RALGPS1: variants seen among roughly 807,000 people sequenced by gnomAD.
RALGPS1 encodes the protein Ral GEF with PH domain and SH3 binding motif 1.
In RALGPS1, 19 loss-of-function variants were observed where a neutral mutation model predicts 78.8. The ratio of observed to expected loss-of-function variants is 0.24; its 90% CI spans 0.17 to 0.35. The LOEUF (loss-of-function observed/expected upper bound fraction) is 0.35. RALGPS1 is among the 10% of genes least tolerant of loss of function. The pLI is 1.00. For missense variants in RALGPS1, 454 were observed against 688.3 expected (o/e 0.66, Z 3.81); for synonymous variants, 228 against 256.3 (o/e 0.89, Z 1.06).
chr9:126,923,592 T>C (rs2034977183), intron 1 of RALGPS1, among the ~76,000 whole-genome samples: 1 of 152,246 alleles, frequency 6.6e-6, no homozygotes, highest in Non-Finnish European at 1.5e-5. Flanking sequence ...TACTGAACTT[T>C]CCTGTAAATG....
chr9:126,979,186 GCTTTGTTCAGC>G (rs2040974440), intron 4 of RALGPS1, among the ~76,000 whole-genome samples: 3 of 151,880 alleles, frequency 2.0e-5, no homozygotes, highest in African/African-American at 7.3e-5. Flanking sequence ...AGTACCACTA[GCTTTGTTCAGC>G]ATTTATGTGA....
intron 18 of RALGPS1, among the ~76,000 whole-genome samples, chr9:127,215,379 T>C (rs1362245549): frequency 1.3e-5 from 2 of 152,236 alleles, no homozygotes; most frequent in African/African-American, 2.4e-5. Context: ...GCTCATGGTA[T>C]GGCCCCCTCC....
chr9:127,142,683 A>G (rs1392211584), intron 8 of RALGPS1, among the ~76,000 whole-genome samples: 3 of 152,232 alleles, frequency 2.0e-5, no homozygotes, highest in Admixed American at 2.0e-4. Flanking sequence ...ATGATCAGCC[A>G]ATTAAATAAC....
chr9:127,198,891 C>T (rs552006869), intron 13 of RALGPS1, 124 bp from the exon 14 acceptor site: 8 of 842,514 alleles, frequency 9.5e-6, no homozygotes, highest in Non-Finnish European at 1.7e-5. Context: ...TTGAGGCTCC[C>T]AATGTCAGGA....
intron 7 of RALGPS1, among the ~76,000 whole-genome samples, chr9:127,053,832 T>C (rs893325348): frequency 6.6e-6 from 1 of 152,350 alleles, no homozygotes. Context: ...GCTGTTTCCA[T>C]AGATCTAGTC....
chr9:127,127,856 G>GA (rs11450591), intron 8 of RALGPS1, among the ~76,000 whole-genome samples: 60,034 of 149,294 alleles, frequency 0.4, 13,285 homozygotes, highest in Non-Finnish European at 0.49. Flanking sequence ...CGATTGTCCT[G>GA]AAAAAAAAAA....
At chr9:126,998,126 T>C (rs1444157878) in intron 4 of RALGPS1, among the ~76,000 whole-genome samples, 3 of 152,222 alleles carry the variant, frequency 2.0e-5, no homozygotes, top group East Asian at 1.9e-4. Flanking sequence ...ACTTCATATC[T>C]AAAACACCAA....
rs2062357991 is a variant in RALGPS1, at chr9:127,212,892, T to C, written c.1447-52T>C. 6.2e-7 allele frequency: 1 copy of C among 1,612,636 alleles called. No homozygotes were observed. Among genetic ancestry groups the C allele is most frequent in the Non-Finnish European group, 8.5e-7 (1 of 1,179,272 alleles). Reference sequence around the variant, plus strand: ...GCCTGGCCCACGTCGGCCTCCCTTGTGGAGTGGAGGGCTGGGCCCCGGTCT... The same window carrying C: ...GCCTGGCCCACGTCGGCCTCCCTTGCGGAGTGGAGGGCTGGGCCCCGGTCT... On this transcript the variant is annotated intron_variant, in intron 16 of 18. Coordinates refer to ENST00000259351, the MANE Select transcript of RALGPS1 (RefSeq NM_014636.3). This position sits in a 1 kb window ranked among gnomAD's most constrained non-coding sequence, Gnocchi z 6.0.
At chr9:127,028,194 C>G (rs1326520740) in intron 4 of RALGPS1, among the ~76,000 whole-genome samples, 1 of 152,226 alleles carries the variant, frequency 6.6e-6, no homozygotes, top group African/African-American at 2.4e-5. Context: ...CTCTCAGAAG[C>G]CTGCCCAGGT....
At chr9:126,952,885 C>A (rs1304248446) in intron 1 of RALGPS1, among the ~76,000 whole-genome samples, 1 of 152,084 alleles carries the variant, frequency 6.6e-6, no homozygotes, top group African/African-American at 2.4e-5. Context: ...CGTGGGAGAG[C>A]TGCACGTCCA....
chr9:127,165,256 A>G (rs1043992935), intron 8 of RALGPS1, among the ~76,000 whole-genome samples: 1 of 152,240 alleles, frequency 6.6e-6, no homozygotes, highest in African/African-American at 2.4e-5. Context: ...TCCTTGGCCC[A>G]TGCACATCTC....
In RALGPS1 at chr9:127,069,342, G is replaced by C; in HGVS notation, c.596G>C (p.Ser199Thr). 1 of 1,613,992 alleles carries C rather than the reference G, an allele frequency of 6.2e-7. No homozygotes were observed. The highest frequency in any genetic ancestry group is 8.5e-7 in the Non-Finnish European group (1 of 1,179,866). ...EYIRSLKMVPSIPYLGIYLLD... is the reference protein window; with the variant it reads ...EYIRSLKMVPTIPYLGIYLLD... ...ATCCGAAGCCTGAAGATGGTTCCAA[G>C]TATTCCCTATCTAGGTAGGAGTTTG... Residue 199 changes from serine (S) to threonine (T), a missense_variant, in exon 8 of 19, where the codon AGT becomes ACT. Ser to Thr is a moderately conservative substitution (Grantham distance 58, BLOSUM62 1). Transcript: ENST00000259351.
intron 14 of RALGPS1, among the ~76,000 whole-genome samples, chr9:127,208,370 A>C (rs1246597864): frequency 6.6e-6 from 1 of 152,234 alleles, no homozygotes; most frequent in Non-Finnish European, 1.5e-5. Flanking sequence ...TCCCAATGAC[A>C]GACCCCACCA....
Position 127,070,840 on chromosome 9 carries a change from GTTTA to G in RALGPS1, c.610+1489_610+1492del, listed in dbSNP as rs1038310472. Among the ~76,000 whole-genome samples, 99 of 151,772 alleles carry G rather than the reference GTTTA, an allele frequency of 6.5e-4. 2 individuals carry two copies. Among genetic ancestry groups the G allele is most frequent in the African/African-American group, 2.3e-3 (97 of 41,480 alleles). ...TTTTAAAATTTCTTTCATGAGCATTGTTTATTTAGATTTTCTTTCTTTTAATTAA... is the reference window on the plus strand; with the variant it reads ...TTTTAAAATTTCTTTCATGAGCATTGTTTAGATTTTCTTTCTTTTAATTAA... On this transcript the variant is annotated intron_variant, in intron 8 of 18. Coordinates refer to ENST00000259351, the MANE Select transcript of RALGPS1 (RefSeq NM_014636.3).
At chr9:126,982,355 C>T (rs1473728586) in intron 4 of RALGPS1, among the ~76,000 whole-genome samples, 1 of 152,154 alleles carries the variant, frequency 6.6e-6, no homozygotes, top group African/African-American at 2.4e-5. Flanking sequence ...AGCTATGTGA[C>T]CTTGGGTAAG....
intron 1 of RALGPS1, among the ~76,000 whole-genome samples, chr9:126,934,294 C>G (rs1436408996): frequency 6.6e-6 from 1 of 152,200 alleles, no homozygotes; most frequent in Non-Finnish European, 1.5e-5. Context: ...GAATTATTTT[C>G]CCTACTTTTA....
chr9:126,923,687 C>T (rs1418156701), intron 1 of RALGPS1, among the ~76,000 whole-genome samples: 1 of 152,152 alleles, frequency 6.6e-6, no homozygotes, highest in East Asian at 1.9e-4. Flanking sequence ...AAGACACAGT[C>T]TTGCTGAGTC....
chr9:127,049,074 A>G (rs2048065408), intron 5 of RALGPS1, among the ~76,000 whole-genome samples: 1 of 152,150 alleles, frequency 6.6e-6, no homozygotes, highest in Non-Finnish European at 1.5e-5. Flanking sequence ...TTTTCCCTAT[A>G]AAGTTTAGGG....
At chr9:126,958,750 A>G (rs2038602965) in intron 1 of RALGPS1, among the ~76,000 whole-genome samples, 1 of 152,116 alleles carries the variant, frequency 6.6e-6, no homozygotes, top group Non-Finnish European at 1.5e-5. Flanking sequence ...CTTTGTGTGG[A>G]CATATGTTTT....
Sources: allele counts gnomAD v4.1 joint callset (sites outside exome capture counted in the v4.1 genomes callset), GRCh38; gene constraint gnomAD v4.1.1; non-coding constraint Gnocchi (gnomAD v3.1); transcripts MANE v1.5; gene names NCBI Gene and HGNC (gene_info 2026-07-23, HGNC 2026-07-21).